THADA: variants seen among roughly 807,000 people sequenced by gnomAD.
THADA encodes THADA armadillo repeat containing, also known as tRNA (32-2'-O)-methyltransferase regulator THADA.
THADA carries 213 observed loss-of-function variants against 219.8 expected under a neutral mutation model. That is an observed-to-expected ratio of 0.97 (90% CI 0.87 to 1.09). The LOEUF (loss-of-function observed/expected upper bound fraction) is 1.09, where lower values mean the gene tolerates loss of function less well. Among genes scored for constraint, THADA ranks in the 50% least tolerant of loss-of-function variants. THADA has a pLI of 0.00. For missense variants in THADA, 2,956 were observed against 2,311.3 expected (o/e 1.28, Z -5.72); for synonymous variants, 1,018 against 828.9 (o/e 1.23, Z -3.92).
chr2:43,375,723 T>C (rs1269009314), intron 29 of THADA, among the ~76,000 whole-genome samples: 1 of 152,244 alleles, frequency 6.6e-6, no homozygotes, highest in Non-Finnish European at 1.5e-5. Context: ...ACGCTGGTTA[T>C]TCTGACTTTC....
intron 29 of THADA, among the ~76,000 whole-genome samples, chr2:43,384,773 C>T (rs1672440046): frequency 6.6e-6 from 1 of 152,040 alleles, no homozygotes; most frequent in Admixed American, 6.5e-5. Context: ...CAAGACCAGC[C>T]TAGGCAACAT....
intron 36 of THADA, among the ~76,000 whole-genome samples, chr2:43,271,216 A>C (rs556918253): frequency 5.3e-5 from 8 of 152,322 alleles, no homozygotes; most frequent in African/African-American, 1.9e-4. Context: ...TCCATCCTGC[A>C]TGATCCAGTA....
intron 36 of THADA, among the ~76,000 whole-genome samples, chr2:43,267,248 G>A (rs933248363): frequency 6.6e-6 from 1 of 152,104 alleles, no homozygotes; most frequent in African/African-American, 2.4e-5. Flanking sequence ...AAAATGATTT[G>A]GATACATGTA....
At chr2:43,291,632 C>T in intron 34 of THADA, 64 bp downstream of exon 34, 2 of 1,294,304 alleles carry the variant, frequency 1.5e-6, no homozygotes, top group Non-Finnish European at 2.1e-6. Context: ...CTTTTACTGA[C>T]ATCTTCTGAG....
At chr2:43,317,516 T>C (rs758029424) in intron 31 of THADA, among the ~76,000 whole-genome samples, 2 of 152,244 alleles carry the variant, frequency 1.3e-5, no homozygotes, top group Non-Finnish European at 2.9e-5. Context: ...AAGTAAGTGA[T>C]CACCTTATTT....
chr2:43,245,088 T>G (rs1431214646), intron 36 of THADA, among the ~76,000 whole-genome samples: 1 of 151,906 alleles, frequency 6.6e-6, no homozygotes, highest in Non-Finnish European at 1.5e-5. Flanking sequence ...AGCCTGGATC[T>G]TGAAACTTCT....
chr2:43,319,952 G>A (rs1678502397), intron 31 of THADA, among the ~76,000 whole-genome samples: 1 of 152,184 alleles, frequency 6.6e-6, no homozygotes. Context: ...TGGATCTGGG[G>A]TCCATCCCCA....
In THADA at chr2:43,489,874, C is replaced by CAAAAAAAAAAAAAAAAAAAA. The variant is rs201735523; in HGVS notation, c.3745-4569_3745-4550dup. Among the ~76,000 whole-genome samples, 407 of 55,994 alleles carry CAAAAAAAAAAAAAAAAAAAA rather than the reference C, an allele frequency of 7.3e-3. 29 individuals carry two copies. The highest frequency in any genetic ancestry group is 0.018 in the African/African-American group (263 of 14,976). The allele number at this position is 55,994 out of a possible 152,430, so 36.7% of individuals were successfully genotyped here. ...ATTTCCATATGTATTTTAAGATCTG[C>CAAAAAAAAAAAAAAAAAAAA]AAAAAAAAAAAAAAAAAAAAGCTAG... is the stretch of plus-strand genomic sequence containing the variant. On this transcript the variant is annotated intron_variant, in intron 25 of 37. Transcript: ENST00000405975.
At position 43,231,204 on chromosome 2, in the gene THADA, C is replaced by G. The variant is rs185993732; in HGVS notation, c.5606G>C (p.Cys1869Ser). The G allele has an allele frequency of 1.2e-6, 2 of 1,613,890 alleles. No homozygotes were observed. The highest frequency in any genetic ancestry group is 4.5e-5 in the East Asian group (2 of 44,882). ...CTCTGACACCATCCTTTGAAGGTGA[C>G]AGAGCATCTCAGGGCTTGGGGGACG... ...GWRPPSPEML[C>S]HLQRMVSEQC... is the part of the protein sequence containing the mutation. Residue 1869 changes from cysteine to serine, a missense_variant, in exon 38 of 38, where the codon TGT (cysteine) becomes TCT (serine). Coordinates refer to ENST00000405975, the MANE Select transcript of THADA (RefSeq NM_022065.5).
chr2:43,585,581 A>G (rs190155071), intron 7 of THADA, among the ~76,000 whole-genome samples: 1 of 144,312 alleles, frequency 6.9e-6, no homozygotes, highest in Non-Finnish European at 1.5e-5. Context: ...GATAGATAGA[A>G]AGAAATACAT....
intron 27 of THADA, among the ~76,000 whole-genome samples, chr2:43,429,676 G>C (rs970577761): frequency 6.6e-6 from 1 of 151,442 alleles, no homozygotes. Context: ...ATTCATAACA[G>C]AAGAAATCAC....
At chr2:43,377,271 C>G (rs372236278) in intron 29 of THADA, among the ~76,000 whole-genome samples, 7 of 152,258 alleles carry the variant, frequency 4.6e-5, no homozygotes, top group Non-Finnish European at 1.0e-4. Context: ...TGTGCCATTA[C>G]CACAGGCCTG....
At chr2:43,276,210 T>A (rs1672707266) in intron 36 of THADA, among the ~76,000 whole-genome samples, 1 of 152,116 alleles carries the variant, frequency 6.6e-6, no homozygotes, top group Non-Finnish European at 1.5e-5. Context: ...GGCTCCATGA[T>A]TGGTACAGAG....
At chr2:43,396,941 A>T (rs1159122099) in intron 29 of THADA, among the ~76,000 whole-genome samples, 1 of 152,258 alleles carries the variant, frequency 6.6e-6, no homozygotes, top group African/African-American at 2.4e-5. Flanking sequence ...TAATAATAAC[A>T]ATAATGACTG....
chr2:43,499,395 A>C (rs377062500), intron 24 of THADA, among the ~76,000 whole-genome samples: 1 of 152,190 alleles, frequency 6.6e-6, no homozygotes, highest in Non-Finnish European at 1.5e-5. Context: ...TTATTTTATT[A>C]GATGGAGTTT....
chr2:43,323,736 A>G (rs1679013143), intron 30 of THADA, among the ~76,000 whole-genome samples: 1 of 152,164 alleles, frequency 6.6e-6, no homozygotes, highest in African/African-American at 2.4e-5. Context: ...AAAACCAACC[A>G]ACCAACCAAC....
At chr2:43,395,730 C>T (rs1205122887) in intron 29 of THADA, among the ~76,000 whole-genome samples, 2 of 152,128 alleles carry the variant, frequency 1.3e-5, no homozygotes, top group African/African-American at 2.4e-5. Context: ...TGGAAGTCCT[C>T]GTGTTTTAAT....
At chr2:43,246,698 A>G (rs1047347438) in intron 36 of THADA, among the ~76,000 whole-genome samples, 4 of 152,228 alleles carry the variant, frequency 2.6e-5, no homozygotes, top group Non-Finnish European at 5.9e-5. Context: ...TTCAAAATGA[A>G]AATGCCTGTG....
chr2:43,507,053 C>G (rs1022489616), intron 23 of THADA, among the ~76,000 whole-genome samples: 2 of 152,216 alleles, frequency 1.3e-5, no homozygotes, highest in East Asian at 3.9e-4. Flanking sequence ...ACTAAGTAGA[C>G]AGTTCTTTTC....
Sources: gnomAD v4.1 joint callset for allele counts (sites outside exome capture counted in the v4.1 genomes callset) on GRCh38, gnomAD v4.1.1 for gene constraint, MANE v1.5 for transcripts, NCBI Gene and HGNC (gene_info 2026-07-23, HGNC 2026-07-21) for gene names.